The following CACNA1C variants were observed in gnomAD, a reference collection of about 807,000 sequenced individuals.
CACNA1C encodes the protein voltage-dependent L-type calcium channel subunit alpha-1C.
In CACNA1C, 30 loss-of-function variants were observed where a neutral mutation model predicts 229.0. That is an observed-to-expected ratio of 0.13 (90% confidence interval 0.10 to 0.18). CACNA1C has a LOEUF of 0.18. Among genes scored for constraint, CACNA1C ranks in the 10% least tolerant of loss-of-function variants. The pLI is 1.00. For synonymous variants in CACNA1C, 1,114 were observed against 1,132.5 expected, an observed-to-expected ratio of 0.98 and a Z score of 0.33; for missense variants, 1,658 against 2,845.0, an observed-to-expected ratio of 0.58 and a Z score of 9.49.
At chr12:2,255,971 G>T (rs951622034) in intron 3 of CACNA1C, among the ~76,000 whole-genome samples, 1 of 152,218 alleles carries the variant, frequency 6.6e-6, no homozygotes. Flanking sequence ...ACAATCACAC[G>T]ACCCTGACCT....
rs1473315291 is a variant in CACNA1C at position 2,691,482 on chromosome 12, C to T, written c.*283C>T. 3.3e-5 allele frequency: 12 copies of T among 366,032 alleles called. No individual in the cohort carries two copies. The highest frequency in any genetic ancestry group is 4.8e-5 in the Non-Finnish European group (10 of 206,736). 22.7% of individuals were successfully genotyped at this position (366,032 alleles called of 1,614,324 possible). Reference sequence around the variant, plus strand: ...GCAGGCCCCGGGCCCGGCCGCGCCTCCGCGGGGAGAGCACCCCGGCTTCCC... The same window carrying T: ...GCAGGCCCCGGGCCCGGCCGCGCCTTCGCGGGGAGAGCACCCCGGCTTCCC... On this transcript the variant is annotated 3_prime_UTR_variant, in exon 47 of 47. Coordinates refer to ENST00000399655, the MANE Select transcript of CACNA1C (RefSeq NM_000719.7).
intron 1 of CACNA1C, among the ~76,000 whole-genome samples, chr12:2,025,390 G>A (rs1269378967): frequency 6.6e-6 from 1 of 152,112 alleles, no homozygotes; most frequent in Non-Finnish European, 1.5e-5. Flanking sequence ...GGGTGTTGTG[G>A]TGTGTGTTAG....
rs2097126172 is a variant in CACNA1C, at chr12:2,348,855, A to G, written c.478-100121A>G. ...GATGTTACCCGTCATGTCAGCATTC[A>G]GAGCCCGGCAGGAAAAAGCCTCCTT... is the stretch of plus-strand genomic sequence containing the variant. On this transcript the variant is annotated intron_variant, in intron 3 of 46. Transcript: ENST00000399655. This position sits in a 1 kb window ranked among gnomAD's most constrained non-coding sequence, Gnocchi z 4.7. 6.6e-6 allele frequency among the ~76,000 whole-genome samples: 1 copy of G among 152,176 alleles called. No individual in the cohort carries two copies. The highest frequency in any genetic ancestry group is 2.4e-5 in the African/African-American group (1 of 41,448).
At chr12:2,099,829 A>G (rs2154098521) in intron 1 of CACNA1C, among the ~76,000 whole-genome samples, 1 of 152,248 alleles carries the variant, frequency 6.6e-6, no homozygotes, top group South Asian at 2.1e-4. Context: ...CACCACAGGG[A>G]AACACAGGCA....
At chr12:2,332,155 A>G (rs967060272) in intron 3 of CACNA1C, among the ~76,000 whole-genome samples, 1 of 152,188 alleles carries the variant, frequency 6.6e-6, no homozygotes, top group Non-Finnish European at 1.5e-5. Context: ...GTCTCAGATG[A>G]TTCCAAAAAA....
chr12:2,060,193 C>T (rs966080302), intron 1 of CACNA1C, among the ~76,000 whole-genome samples: 2 of 152,100 alleles, frequency 1.3e-5, no homozygotes, highest in Non-Finnish European at 2.9e-5. Flanking sequence ...AGCCCCTTTG[C>T]GAGAGTGGGA....
chr12:2,399,231 T>A (rs1328085309), intron 3 of CACNA1C, among the ~76,000 whole-genome samples: 2 of 152,126 alleles, frequency 1.3e-5, no homozygotes, highest in East Asian at 3.9e-4. Context: ...TCAGAGGGTG[T>A]GAGTTACAAA....
At chr12:2,174,162 TG>T (rs1190643802) in intron 3 of CACNA1C, among the ~76,000 whole-genome samples, 21 of 151,894 alleles carry the variant, frequency 1.4e-4, no homozygotes, top group Admixed American at 2.0e-4. Flanking sequence ...AAAAGGGAAG[TG>T]GTATCCCAGA....
At chr12:2,620,271 G>A (rs1472157279) in intron 29 of CACNA1C, among the ~76,000 whole-genome samples, 1 of 151,868 alleles carries the variant, frequency 6.6e-6, no homozygotes, top group Non-Finnish European at 1.5e-5. Flanking sequence ...ACTGCTCTAA[G>A]CACCTTAATA....
chr12:2,255,062 C>T (rs1225159951), intron 3 of CACNA1C, among the ~76,000 whole-genome samples: 6 of 152,168 alleles, frequency 3.9e-5, no homozygotes, highest in Non-Finnish European at 8.8e-5. Context: ...TGTGGCCCTG[C>T]AGATGCCACG....
intron 3 of CACNA1C, among the ~76,000 whole-genome samples, chr12:2,139,615 C>T (rs969357015): frequency 6.6e-6 from 1 of 151,150 alleles, no homozygotes; most frequent in Non-Finnish European, 1.5e-5. Context: ...CTGTTAGCTC[C>T]AGACAGGGTG....
chr12:2,444,690 A>G (rs1596425321), intron 3 of CACNA1C, among the ~76,000 whole-genome samples: 1 of 152,082 alleles, frequency 6.6e-6, no homozygotes, highest in Admixed American at 6.5e-5. Context: ...GAGAGGCATC[A>G]CCATCCACAC....
intron 1 of CACNA1C, among the ~76,000 whole-genome samples, chr12:2,084,023 G>T (rs1261794933): frequency 6.6e-6 from 1 of 152,150 alleles, no homozygotes; most frequent in Admixed American, 6.5e-5. Context: ...ATATATAAAG[G>T]ATTTTAAAAT....
chr12:2,113,182 T>C (rs754837900), intron 1 of CACNA1C, among the ~76,000 whole-genome samples: 8 of 152,076 alleles, frequency 5.3e-5, no homozygotes, highest in Non-Finnish European at 1.2e-4. Flanking sequence ...TAACTTCAGG[T>C]GTGGCTGGAT....
chr12:2,629,414 A>G (rs1226017424), intron 29 of CACNA1C, among the ~76,000 whole-genome samples: 4 of 152,228 alleles, frequency 2.6e-5, no homozygotes, highest in Non-Finnish European at 5.9e-5. Context: ...CCCACAGTTA[A>G]GACACAGTAT....
At chr12:2,329,402 G>A (rs1238600037) in intron 3 of CACNA1C, among the ~76,000 whole-genome samples, 1 of 152,176 alleles carries the variant, frequency 6.6e-6, no homozygotes, top group Non-Finnish European at 1.5e-5. Flanking sequence ...GCCCAAGTGT[G>A]GAAACTTGCT....
At chr12:2,582,280 C>T (rs1215993141) in intron 14 of CACNA1C, among the ~76,000 whole-genome samples, 1 of 151,932 alleles carries the variant, frequency 6.6e-6, no homozygotes, top group African/African-American at 2.4e-5. Context: ...CCATGCTTGT[C>T]TCTTGAAAAA....
chr12:2,004,400 C>T (rs1300349824), intron 1 of CACNA1C: 2 of 1,611,780 alleles, frequency 1.2e-6, no homozygotes, highest in Non-Finnish European at 8.5e-7. Context: ...GCGCCCCTTT[C>T]CCACCAGGCC....
chr12:2,391,876 C>CAGTTCAGTGTAAAGT (rs1356633698), intron 3 of CACNA1C, among the ~76,000 whole-genome samples: 4 of 152,196 alleles, frequency 2.6e-5, no homozygotes, highest in Non-Finnish European at 5.9e-5. Flanking sequence ...AGTTCAGTTC[C>CAGTTCAGTGTAAAGT]TCAGTGGCAC....
Sources: gnomAD v4.1 joint callset for allele counts (sites outside exome capture counted in the v4.1 genomes callset) on GRCh38, gnomAD v4.1.1 for gene constraint, Gnocchi (gnomAD v3.1) non-coding constraint, MANE v1.5 for transcripts, NCBI Gene and HGNC (gene_info 2026-07-23, HGNC 2026-07-21) for gene names.